The following ADAMTS3 variants were observed in gnomAD, a reference collection of about 807,000 sequenced individuals.
ADAMTS3 encodes the protein A disintegrin and metalloproteinase with thrombospondin motifs 3.
ADAMTS3 carries 73 observed loss-of-function variants against 129.0 expected under a neutral mutation model. That is an observed-to-expected ratio of 0.57 (90% CI 0.47 to 0.69). The LOEUF is 0.69. ADAMTS3 is among the 30% of genes least tolerant of loss of function. The pLI is 0.00. For missense variants in ADAMTS3, 1,457 were observed against 1,514.5 expected, an observed-to-expected ratio of 0.96 and a Z score of 0.63; for synonymous variants, 477 against 510.8, an observed-to-expected ratio of 0.93 and a Z score of 0.89.
At chr4:72,455,293 C>A (rs187487391) in intron 3 of ADAMTS3, among the ~76,000 whole-genome samples, 1 of 151,364 alleles carries the variant, frequency 6.6e-6, no homozygotes, top group East Asian at 2.0e-4. Context: ...TACAATGCAG[C>A]CATAAAAAAG....
intron 4 of ADAMTS3, among the ~76,000 whole-genome samples, chr4:72,358,093 T>C (rs1397648853): frequency 2.0e-5 from 3 of 151,952 alleles, no homozygotes; most frequent in Non-Finnish European, 2.9e-5. Context: ...GGGGGTGGAA[T>C]GCCTGGCTAA....
chr4:72,408,280 G>A (rs1028582184), intron 4 of ADAMTS3, among the ~76,000 whole-genome samples: 1 of 151,664 alleles, frequency 6.6e-6, no homozygotes, highest in African/African-American at 2.4e-5. Flanking sequence ...GAAGATGCCC[G>A]GTAGAAGACT....
intron 3 of ADAMTS3, among the ~76,000 whole-genome samples, chr4:72,454,246 C>T (rs1287430837): frequency 6.6e-6 from 1 of 151,338 alleles, no homozygotes; most frequent in Admixed American, 6.6e-5. Context: ...CTAATAATGA[C>T]CTTTGACTTA....
At chr4:72,522,539 A>T (rs897746588) in intron 3 of ADAMTS3, among the ~76,000 whole-genome samples, 1 of 152,160 alleles carries the variant, frequency 6.6e-6, no homozygotes, top group East Asian at 1.9e-4. Flanking sequence ...TTACCTACAA[A>T]GTCTACAAGT....
At chr4:72,452,537 A>G (rs1040015718) in intron 3 of ADAMTS3, among the ~76,000 whole-genome samples, 2 of 151,752 alleles carry the variant, frequency 1.3e-5, no homozygotes, top group Non-Finnish European at 2.9e-5. Context: ...GAGTTAGAAC[A>G]TGAATCTATC....
chr4:72,523,209 C>T (rs903504068), intron 3 of ADAMTS3, among the ~76,000 whole-genome samples: 2 of 152,000 alleles, frequency 1.3e-5, no homozygotes, highest in Admixed American at 1.3e-4. Flanking sequence ...AAAACAAAAA[C>T]TTTCAATGTC....
chr4:72,486,004 G>T (rs1719581631), intron 3 of ADAMTS3, among the ~76,000 whole-genome samples: 1 of 152,078 alleles, frequency 6.6e-6, no homozygotes, highest in Admixed American at 6.6e-5. Context: ...CCAGAATTGT[G>T]AGCAATAAAT....
intron 3 of ADAMTS3, among the ~76,000 whole-genome samples, chr4:72,486,391 G>T (rs572481448): frequency 1.5e-4 from 23 of 152,212 alleles, no homozygotes; most frequent in South Asian, 1.5e-3. Flanking sequence ...TTTCTGCTCA[G>T]TCTTGTACAG....
intron 19 of ADAMTS3, among the ~76,000 whole-genome samples, chr4:72,294,692 A>C (rs1718761613): frequency 6.6e-6 from 1 of 152,120 alleles, no homozygotes; most frequent in Admixed American, 6.6e-5. Context: ...ACGGTCCTAC[A>C]AACTTTGAAA....
chr4:72,534,080 C>A (rs1436462131), intron 3 of ADAMTS3, among the ~76,000 whole-genome samples: 2 of 152,168 alleles, frequency 1.3e-5, no homozygotes, highest in Non-Finnish European at 2.9e-5. Flanking sequence ...GTAATCCCAG[C>A]AGTTTGGGAG....
chr4:72,375,402 A>T (rs993711459), intron 4 of ADAMTS3, among the ~76,000 whole-genome samples: 3 of 152,196 alleles, frequency 2.0e-5, no homozygotes, highest in Non-Finnish European at 4.4e-5. Flanking sequence ...ATGATGAGTA[A>T]AACAGGCTCC....
At chr4:72,502,160 AATTTTTTGG>A (rs1205768776) in intron 3 of ADAMTS3, among the ~76,000 whole-genome samples, 2 of 152,012 alleles carry the variant, frequency 1.3e-5, no homozygotes, top group Non-Finnish European at 2.9e-5. Context: ...CCTCCTCCTC[AATTTTTTGG>A]AGTAGTTACA....
chr4:72,317,786 G>C (rs1383156216), intron 10 of ADAMTS3, among the ~76,000 whole-genome samples: 1 of 152,156 alleles, frequency 6.6e-6, no homozygotes, highest in African/African-American at 2.4e-5. Context: ...CCAGAACTTT[G>C]GGAGGCCAAG....
intron 4 of ADAMTS3, among the ~76,000 whole-genome samples, chr4:72,382,448 G>T (rs1296041552): frequency 1.3e-5 from 2 of 151,956 alleles, no homozygotes; most frequent in African/African-American, 2.4e-5. Context: ...TGTAAATTTG[G>T]TCAACCCCCA....
chr4:72,386,161 T>C (rs1431623215), intron 4 of ADAMTS3, among the ~76,000 whole-genome samples: 2 of 152,190 alleles, frequency 1.3e-5, no homozygotes, highest in African/African-American at 4.8e-5. Context: ...ATCTCACTCT[T>C]GGTAAACTCT....
At chr4:72,386,444 C>T (rs958381793) in intron 4 of ADAMTS3, among the ~76,000 whole-genome samples, 1 of 151,716 alleles carries the variant, frequency 6.6e-6, no homozygotes, top group Non-Finnish European at 1.5e-5. Flanking sequence ...TTAAGCAACA[C>T]AAAGCAAGGA....
intron 3 of ADAMTS3, among the ~76,000 whole-genome samples, chr4:72,470,907 A>G (rs1359239913): frequency 1.3e-5 from 2 of 152,170 alleles, no homozygotes; most frequent in African/African-American, 4.8e-5. Flanking sequence ...AAAATTTTTA[A>G]TATCCTATGT....
At chr4:72,306,527 A>C (rs1471445630) in intron 15 of ADAMTS3, among the ~76,000 whole-genome samples, 1 of 151,972 alleles carries the variant, frequency 6.6e-6, no homozygotes, top group East Asian at 1.9e-4. Flanking sequence ...TAGACAGCTA[A>C]ACTTCTAATT....
At chr4:72,330,201 T>A (rs1719809422) in intron 5 of ADAMTS3, among the ~76,000 whole-genome samples, 1 of 152,032 alleles carries the variant, frequency 6.6e-6, no homozygotes, top group Non-Finnish European at 1.5e-5. Flanking sequence ...GTATTTTTGG[T>A]AGTCATGGGG....
Sources: allele counts gnomAD v4.1 joint callset (sites outside exome capture counted in the v4.1 genomes callset), GRCh38; gene constraint gnomAD v4.1.1; transcripts MANE v1.5; gene names NCBI Gene and HGNC (gene_info 2026-07-23, HGNC 2026-07-21).